ABHD12: variants seen among roughly 807,000 people sequenced by gnomAD.
ABHD12 encodes abhydrolase domain containing 12, lysophospholipase.
A neutral mutation model predicts 58.3 loss-of-function variants in ABHD12; 43 were observed. The ratio of observed to expected loss-of-function variants is 0.74; its 90% confidence interval spans 0.58 to 0.95. ABHD12 has a LOEUF of 0.95. ABHD12 is among the 40% of genes least tolerant of loss of function. The probability of loss-of-function intolerance (pLI) is 0.00; values close to 1 mark genes in which losing one functional copy is unlikely to be tolerated. For synonymous variants in ABHD12, 219 were observed against 211.2 expected, an observed-to-expected ratio of 1.04 and a Z score of -0.32; for missense variants, 539 against 537.2, an observed-to-expected ratio of 1.00 and a Z score of -0.03.
At chr20:25,305,471 T>G (rs1283671696) in intron 10 of ABHD12, among the ~76,000 whole-genome samples, 2 of 151,616 alleles carry the variant, frequency 1.3e-5, no homozygotes, top group African/African-American at 4.8e-5. Flanking sequence ...CAAGCGATTC[T>G]CCTGCCTCAG....
chr20:25,370,759 T>G (rs1182908678), intron 1 of ABHD12, among the ~76,000 whole-genome samples: 1 of 152,100 alleles, frequency 6.6e-6, no homozygotes, highest in Admixed American at 6.5e-5. Flanking sequence ...TTCCATGAAT[T>G]CACACACGTA....
intron 1 of ABHD12, among the ~76,000 whole-genome samples, chr20:25,365,609 G>A (rs1232176812): frequency 2.0e-5 from 3 of 152,198 alleles, no homozygotes; most frequent in Non-Finnish European, 4.4e-5. Context: ...GGATCAAAGA[G>A]TAAGTGCATC....
intron 1 of ABHD12, among the ~76,000 whole-genome samples, chr20:25,387,585 T>C (rs2090108056): frequency 1.2e-4 from 1 of 8,294 alleles, no homozygotes; most frequent in Non-Finnish European, 2.1e-4. Flanking sequence ...AGACTTCATC[T>C]CTATTAAAAA....
chr20:25,385,357 A>G (rs1311145309), intron 1 of ABHD12, among the ~76,000 whole-genome samples: 1 of 127,110 alleles, frequency 7.9e-6, no homozygotes, highest in Non-Finnish European at 1.7e-5. Context: ...AAAAAAAAAG[A>G]GGAAAACGGA....
intron 6 of ABHD12, among the ~76,000 whole-genome samples, chr20:25,309,932 G>A (rs1216944296): frequency 6.6e-6 from 1 of 152,274 alleles, no homozygotes; most frequent in South Asian, 2.1e-4. Flanking sequence ...CAGAGCTTCA[G>A]AGCTGGCACC....
In ABHD12 at chr20:25,367,921, G is replaced by A. The variant is rs188992531; in HGVS notation, c.191+22592C>T. Among the ~76,000 whole-genome samples, 197 of 152,276 alleles carry A rather than the reference G, an allele frequency of 1.3e-3. 1 individual carries two copies. The highest frequency in any genetic ancestry group is 2.6e-3 in the African/African-American group (106 of 41,556). ...TTATTTTTGGTAGATACCCAGAAGCGCAGCTGCTGCATTATACAGTAATTC... is the reference window on the plus strand; with the variant it reads ...TTATTTTTGGTAGATACCCAGAAGCACAGCTGCTGCATTATACAGTAATTC... On this transcript the variant is annotated intron_variant, in intron 1 of 12. Transcript: ENST00000339157.
chr20:25,298,677 G>A (rs1001126346), downstream of ABHD12, among the ~76,000 whole-genome samples: 6 of 152,238 alleles, frequency 3.9e-5, no homozygotes, highest in African/African-American at 1.2e-4. Context: ...CTTTGCACCT[G>A]CAACTTTTGT....
intron 4 of ABHD12, among the ~76,000 whole-genome samples, chr20:25,317,479 T>G (rs1755787526): frequency 6.6e-6 from 1 of 152,192 alleles, no homozygotes; most frequent in Non-Finnish European, 1.5e-5. Context: ...CACTTCTTGC[T>G]CCGCACGTCT....
At chr20:25,305,456 G>A (rs1036762103) in intron 10 of ABHD12, among the ~76,000 whole-genome samples, 4 of 150,392 alleles carry the variant, frequency 2.7e-5, no homozygotes, top group East Asian at 2.0e-4. Context: ...TCTGCCTCCC[G>A]GGTTCAAGCG....
intron 12 of ABHD12, among the ~76,000 whole-genome samples, chr20:25,301,552 T>C (rs2088635890): frequency 6.6e-6 from 1 of 152,238 alleles, no homozygotes; most frequent in African/African-American, 2.4e-5. Context: ...AGGGTTAGCA[T>C]CTTGCCCAAG....
At chr20:25,368,621 C>G in intron 1 of ABHD12, 2 of 1,374,532 alleles carry the variant, frequency 1.5e-6, no homozygotes, top group South Asian at 2.3e-5. Context: ...AAGCGGAAAC[C>G]CTTAAAACCA....
intron 1 of ABHD12, among the ~76,000 whole-genome samples, chr20:25,369,038 G>A (rs576948108): frequency 1.3e-5 from 2 of 152,194 alleles, no homozygotes; most frequent in Admixed American, 1.3e-4. Context: ...TGGGAAGACC[G>A]CTTGAGCCAG....
At chr20:25,295,281 C>G (rs1049920672), downstream of ABHD12, among the ~76,000 whole-genome samples, 6 of 152,270 alleles carry the variant, frequency 3.9e-5, no homozygotes, top group African/African-American at 1.4e-4. Context: ...CACTGTCTGC[C>G]CAGGAGGCCT....
chr20:25,324,672 C>T (rs1054918366), intron 2 of ABHD12, among the ~76,000 whole-genome samples: 1 of 152,132 alleles, frequency 6.6e-6, no homozygotes, highest in East Asian at 1.9e-4. Flanking sequence ...TCAAATGTCA[C>T]CAGGCTGGAC....
chr20:25,341,517 T>C (rs1466055205), intron 1 of ABHD12, among the ~76,000 whole-genome samples: 2 of 152,224 alleles, frequency 1.3e-5, no homozygotes, highest in Non-Finnish European at 2.9e-5. Flanking sequence ...CTGTGCAATC[T>C]TGAATGAGTT....
At chr20:25,352,192 A>T (rs2089609515) in intron 1 of ABHD12, among the ~76,000 whole-genome samples, 1 of 151,500 alleles carries the variant, frequency 6.6e-6, no homozygotes, top group African/African-American at 2.4e-5. Context: ...AGGTTTCACC[A>T]CATTGGCCAG....
Position 25,302,324 on chromosome 20 carries a change from G to C in ABHD12, c.1052C>G (p.Ala351Gly), listed in dbSNP as rs1431221081. 2 of 1,613,602 alleles carry C rather than the reference G, an allele frequency of 1.2e-6. No individual in the cohort carries two copies. Among genetic ancestry groups the C allele is most frequent in the Non-Finnish European group, 1.7e-6 (2 of 1,179,966 alleles). ...AACTTTGAAATCTCGGAAGCTTCGA[G>C]CTGGTGCGGCGATGCTATAGAGCTG... ...GRKLYSIAAP[A>G]RSFRDFKVQF... The change falls in exon 12 of 13, where the codon GCT becomes GGT. Residue 351 changes from alanine to glycine, a missense_variant. Coordinates refer to ENST00000339157, the MANE Select transcript of ABHD12 (RefSeq NM_001042472.3).
chr20:25,318,867 T>C (rs2089012931), intron 4 of ABHD12, among the ~76,000 whole-genome samples: 1 of 152,164 alleles, frequency 6.6e-6, no homozygotes, highest in Admixed American at 6.5e-5. Flanking sequence ...ATTCTGTAGC[T>C]AGACACGCCA....
At chr20:25,361,868 G>C (rs892334885) in intron 1 of ABHD12, among the ~76,000 whole-genome samples, 2 of 151,958 alleles carry the variant, frequency 1.3e-5, no homozygotes, top group Admixed American at 1.3e-4. Context: ...GGCAGGAGAA[G>C]AGCGTGAACC....
Sources: gnomAD v4.1 joint callset for allele counts (sites outside exome capture counted in the v4.1 genomes callset) on GRCh38, gnomAD v4.1.1 for gene constraint, MANE v1.5 for transcripts, NCBI Gene and HGNC (gene_info 2026-07-23, HGNC 2026-07-21) for gene names.